Variants in KIRREL3 observed in about 807,000 individuals in gnomAD.
KIRREL3 encodes kirre like nephrin family adhesion molecule 3.
A neutral mutation model predicts 89.7 loss-of-function variants in KIRREL3; 36 were observed. That is an observed-to-expected ratio of 0.40 (90% CI 0.31 to 0.53). KIRREL3 has a LOEUF of 0.53. Ranked by LOEUF, KIRREL3 falls within the 20% of genes least tolerant of loss-of-function variation. The pLI, the probability that KIRREL3 is intolerant of heterozygous loss-of-function variation, is 0.49. For synonymous variants in KIRREL3, 445 were observed against 441.4 expected (o/e 1.01, Z -0.10); for missense variants, 864 against 1,056.6 (o/e 0.82, Z 2.53).
chr11:126,654,342 T>G (rs1221161299), intron 1 of KIRREL3, among the ~76,000 whole-genome samples: 1 of 151,434 alleles, frequency 6.6e-6, no homozygotes, highest in South Asian at 2.1e-4. Context: ...TGAAAGTTTT[T>G]TTTTTTTTTT....
chr11:126,975,847 C>T (rs777243601), intron 1 of KIRREL3, among the ~76,000 whole-genome samples: 1 of 151,876 alleles, frequency 6.6e-6, no homozygotes, highest in Non-Finnish European at 1.5e-5. Context: ...AAGTTCCTCC[C>T]ACCTTCCTCA....
intron 11 of KIRREL3, among the ~76,000 whole-genome samples, chr11:126,437,494 C>G (rs1016281726): frequency 6.7e-6 from 1 of 148,658 alleles, no homozygotes; most frequent in East Asian, 1.9e-4. Context: ...AGTACATGTA[C>G]CACAACACAC....
At position 126,550,842 on chromosome 11, in the gene KIRREL3, A is replaced by G. The variant is rs1270496626; in HGVS notation, c.133+11993T>C. Reference sequence around the variant, plus strand: ...CAAACAGGTGGGAGCAGCGGACACCAGCTGGGTGTCCTCCAATTCAATTCT... The same window carrying G: ...CAAACAGGTGGGAGCAGCGGACACCGGCTGGGTGTCCTCCAATTCAATTCT... On this transcript the variant is annotated intron_variant, in intron 2 of 16. Coordinates refer to ENST00000525144, the MANE Select transcript of KIRREL3 (RefSeq NM_032531.4). This position sits in a 1 kb window ranked among gnomAD's most constrained non-coding sequence, Gnocchi z 4.9. 6.6e-6 allele frequency among the ~76,000 whole-genome samples: 1 copy of G among 152,078 alleles called. No homozygotes were observed. The highest frequency in any genetic ancestry group is 2.4e-5 in the African/African-American group (1 of 41,416).
intron 4 of KIRREL3, among the ~76,000 whole-genome samples, chr11:126,505,704 A>G (rs1323015382): frequency 6.6e-6 from 1 of 152,242 alleles, no homozygotes; most frequent in Non-Finnish European, 1.5e-5. Flanking sequence ...AATTTCATTC[A>G]CAGTAGCATC....
At chr11:126,465,801 G>A (rs1458004603) in intron 5 of KIRREL3, among the ~76,000 whole-genome samples, 1 of 152,186 alleles carries the variant, frequency 6.6e-6, no homozygotes, top group Non-Finnish European at 1.5e-5. Context: ...CGGGCAGGGA[G>A]GGAGCAGCAG....
At chr11:126,944,670 C>G (rs887237226) in intron 1 of KIRREL3, among the ~76,000 whole-genome samples, 2 of 152,122 alleles carry the variant, frequency 1.3e-5, no homozygotes, top group African/African-American at 4.8e-5. Context: ...GCTCCCCGCA[C>G]CTCTGCCACC....
At chr11:126,819,247 C>T (rs1368643758) in intron 1 of KIRREL3, among the ~76,000 whole-genome samples, 2 of 152,186 alleles carry the variant, frequency 1.3e-5, no homozygotes, top group East Asian at 1.9e-4. Flanking sequence ...GAGAGCATCT[C>T]GCAGGAGGTA....
At chr11:126,998,012 C>T (rs981820620) in intron 1 of KIRREL3, among the ~76,000 whole-genome samples, 8 of 152,048 alleles carry the variant, frequency 5.3e-5, no homozygotes, top group Admixed American at 2.6e-4. Context: ...GGGGGTGTAA[C>T]CTCAGGCCTC....
rs61331529 is a variant in KIRREL3 at position 126,454,095 on chromosome 11, GC to G, written c.848+2253del. On this transcript the variant is annotated intron_variant, in intron 7 of 16. Transcript: ENST00000525144. The surrounding 1 kb of genome is among the most constrained non-coding windows in gnomAD (Gnocchi z 5.8). ...TCCCATTAACTGCCACCCTCCCATC[GC>G]CCGGATTCACCAGCTGTTAACATTT... is the stretch of plus-strand genomic sequence containing the variant. Among the ~76,000 whole-genome samples the G allele has an allele frequency of 0.28, 42,512 of 152,072 alleles. 6,269 individuals are homozygous for G. Among genetic ancestry groups the G allele is most frequent in the Admixed American group, 0.33 (5,021 of 15,274 alleles).
rs1481775580 is a variant in KIRREL3, at chr11:126,976,017, C to T, written c.55+24438G>A. Among the ~76,000 whole-genome samples the T allele has an allele frequency of 1.3e-5, 2 of 150,672 alleles. No homozygotes were observed. Among genetic ancestry groups the T allele is most frequent in the African/African-American group, 4.9e-5 (2 of 40,810 alleles). On this transcript the variant is annotated intron_variant, in intron 1 of 16. Coordinates refer to ENST00000525144, the MANE Select transcript of KIRREL3 (RefSeq NM_032531.4). This position sits in a 1 kb window ranked among gnomAD's most constrained non-coding sequence, Gnocchi z 4.2. ...TTGTAAATGGCTAAGGTGTGGCTCT[C>T]AGGACAGAGCATACCCATTCCAGAT...
intron 1 of KIRREL3, among the ~76,000 whole-genome samples, chr11:126,887,214 G>A (rs1001384037): frequency 1.3e-5 from 2 of 152,116 alleles, no homozygotes; most frequent in Admixed American, 6.5e-5. Flanking sequence ...TGCAACATCC[G>A]AGTCTGACTG....
At chr11:126,661,172 C>A (rs928215358) in intron 1 of KIRREL3, among the ~76,000 whole-genome samples, 1 of 152,170 alleles carries the variant, frequency 6.6e-6, no homozygotes, top group Non-Finnish European at 1.5e-5. Context: ...TGGATGGTGT[C>A]ATTTTTCTTA....
intron 11 of KIRREL3, chr11:126,440,196 T>G: frequency 1.5e-6 from 1 of 682,846 alleles, no homozygotes; most frequent in Non-Finnish European, 2.7e-6. Flanking sequence ...GATGCGGAAT[T>G]TGGTCAGAGC....
intron 9 of KIRREL3, among the ~76,000 whole-genome samples, chr11:126,445,322 C>T (rs1179489216): frequency 6.6e-6 from 1 of 152,234 alleles, no homozygotes; most frequent in South Asian, 2.1e-4. Context: ...GAGGCCACCC[C>T]GTGTGACTGA....
Position 126,497,000 on chromosome 11 carries a change from C to A in KIRREL3, c.434-23534G>T, listed in dbSNP as rs1447133923. Among the ~76,000 whole-genome samples, 1 of 152,158 alleles carries A rather than the reference C, an allele frequency of 6.6e-6. No individual in the cohort carries two copies. Among genetic ancestry groups the A allele is most frequent in the African/African-American group, 2.4e-5 (1 of 41,434 alleles). On this transcript the variant is annotated intron_variant, in intron 4 of 16. Transcript: ENST00000525144. The surrounding 1 kb of genome is among the most constrained non-coding windows in gnomAD (Gnocchi z 4.9). Reference sequence around the variant, plus strand: ...AGGAAATGCACCCCAGCCTGGGAATCCTGTCAGGGAGTGGGGTCCAGTGCT... The same window carrying A: ...AGGAAATGCACCCCAGCCTGGGAATACTGTCAGGGAGTGGGGTCCAGTGCT...
At position 126,452,830 on chromosome 11, in the gene KIRREL3, G is replaced by A. The variant is rs555811648; in HGVS notation, c.848+3519C>T. The stretch of plus-strand genomic sequence containing the variant: ...GGTGCCTCAGGACCCGACAGAGCCC[G>A]CAGCTCACATCTCGCCCAGCCGGTC... On this transcript the variant is annotated intron_variant, in intron 7 of 16. Coordinates refer to ENST00000525144, the MANE Select transcript of KIRREL3 (RefSeq NM_032531.4). Among the ~76,000 whole-genome samples the A allele has an allele frequency of 5.3e-5, 8 of 152,246 alleles. No homozygotes were observed. The East Asian group carries it at 7.8e-4, about 15-fold the overall frequency.
chr11:126,749,445 CCATCCTCGCCGGTTT>C (rs886270502), intron 1 of KIRREL3, among the ~76,000 whole-genome samples: 5 of 152,140 alleles, frequency 3.3e-5, no homozygotes, highest in Admixed American at 2.0e-4. Context: ...CCTCATCTCC[CCATCCTCGCCGGTTT>C]GCTCCTGGGG....
At chr11:126,514,139 G>A (rs1373184802) in intron 4 of KIRREL3, among the ~76,000 whole-genome samples, 4 of 152,088 alleles carry the variant, frequency 2.6e-5, no homozygotes, top group African/African-American at 9.7e-5. Flanking sequence ...GTGTGTAGGG[G>A]GAGCGAGATG....
intron 1 of KIRREL3, among the ~76,000 whole-genome samples, chr11:126,681,484 A>C (rs2135101112): frequency 6.6e-6 from 1 of 152,284 alleles, no homozygotes; most frequent in African/African-American, 2.4e-5. Flanking sequence ...TGAGGGAGGC[A>C]GTTTATGGAG....
Sources: allele counts gnomAD v4.1 joint callset (sites outside exome capture counted in the v4.1 genomes callset), GRCh38; gene constraint gnomAD v4.1.1; non-coding constraint Gnocchi (gnomAD v3.1); transcripts MANE v1.5; gene names NCBI Gene and HGNC (gene_info 2026-07-23, HGNC 2026-07-21).